Variants in ADGRB3 observed in about 807,000 individuals in gnomAD.
The protein encoded by ADGRB3 is adhesion G protein-coupled receptor B3, also known as brain-specific angiogenesis inhibitor 3.
Under a neutral mutation model 193.4 loss-of-function variants are expected in ADGRB3, and 37 were observed. That is an observed-to-expected ratio of 0.19 (90% CI 0.15 to 0.25). The LOEUF is 0.25. Among genes scored for constraint, ADGRB3 ranks in the 10% least tolerant of loss-of-function variants. The pLI, the probability that ADGRB3 is intolerant of heterozygous loss-of-function variation, is 1.00. For synonymous variants in ADGRB3, 690 were observed against 644.2 expected, an observed-to-expected ratio of 1.07 and a Z score of -1.08; for missense variants, 1,637 against 1,852.9, an observed-to-expected ratio of 0.88 and a Z score of 2.14.
intron 10 of ADGRB3, among the ~76,000 whole-genome samples, chr6:68,984,610 A>C (rs770471302): frequency 6.6e-6 from 1 of 152,144 alleles, no homozygotes; most frequent in Non-Finnish European, 1.5e-5. Flanking sequence ...TAAGGCCAAA[A>C]AAGGGTTTTG....
chr6:69,058,825 C>G (rs922373750), intron 15 of ADGRB3, among the ~76,000 whole-genome samples: 8 of 152,014 alleles, frequency 5.3e-5, no homozygotes, highest in Admixed American at 5.3e-4. Context: ...TAAGATTTCA[C>G]TCTTCTTCAA....
chr6:69,201,450 C>T (rs545066487), intron 17 of ADGRB3, among the ~76,000 whole-genome samples: 1 of 151,880 alleles, frequency 6.6e-6, no homozygotes, highest in East Asian at 1.9e-4. Flanking sequence ...TTATCTCTCC[C>T]TATTCTTATT....
chr6:69,337,109 T>A (rs147680119), intron 24 of ADGRB3, among the ~76,000 whole-genome samples: 3 of 152,134 alleles, frequency 2.0e-5, no homozygotes, highest in Admixed American at 6.6e-5. Flanking sequence ...TAAATCACAG[T>A]TTTCAGGTCT....
chr6:68,902,703 CATATA>C (rs1766431779), intron 3 of ADGRB3, among the ~76,000 whole-genome samples: 1 of 151,926 alleles, frequency 6.6e-6, no homozygotes, highest in Non-Finnish European at 1.5e-5. Context: ...CATGTAACCA[CATATA>C]ATCATGTGAT....
chr6:69,224,780 C>A (rs146341967), intron 17 of ADGRB3, among the ~76,000 whole-genome samples: 2 of 151,660 alleles, frequency 1.3e-5, no homozygotes, highest in East Asian at 3.9e-4. Context: ...AAATGTCTGC[C>A]GTTTTTTAAT....
chr6:69,025,008 C>T (rs1770385565), intron 13 of ADGRB3, among the ~76,000 whole-genome samples: 1 of 151,568 alleles, frequency 6.6e-6, no homozygotes, highest in South Asian at 2.1e-4. Flanking sequence ...AGGAGAATAG[C>T]GTGAACCCGG....
chr6:69,075,656 A>G (rs1218328652), intron 16 of ADGRB3, among the ~76,000 whole-genome samples: 1 of 152,150 alleles, frequency 6.6e-6, no homozygotes, highest in Non-Finnish European at 1.5e-5. Flanking sequence ...AAAGAAAGTA[A>G]TCTAGCAACT....
At chr6:68,704,639 G>A (rs1447299331) in intron 3 of ADGRB3, among the ~76,000 whole-genome samples, 2 of 152,070 alleles carry the variant, frequency 1.3e-5, no homozygotes, top group Non-Finnish European at 2.9e-5. Context: ...AAACAAACAA[G>A]AACTTTGAAA....
chr6:68,638,969 A>G lies in ADGRB3; in HGVS notation c.294A>G (p.Ile98Met). The change falls in exon 3 of 32, where the codon ATA becomes ATG. Residue 98 changes from isoleucine (I) to methionine (M), a missense_variant. By Grantham distance (10) the Ile-to-Met change is conservative. Around this residue, in one of 7 missense-constraint regions of ADGRB3, gnomAD observed 365 missense variants for 409.8 expected, o/e 0.89. Transcript: ENST00000370598. ...TTGATCATTTTTCCCATGAAAAAAT[A>G]AAGGATCTTTTAAGAAAGAATCATT... ...YQFDHFSHEK[I>M]KDLLRKNHSI... 1 of 1,614,066 alleles carries G rather than the reference A, an allele frequency of 6.2e-7. No homozygotes were observed. The highest frequency in any genetic ancestry group is 8.5e-7 in the Non-Finnish European group (1 of 1,179,994).
chr6:69,057,198 T>G (rs898508463), intron 15 of ADGRB3, among the ~76,000 whole-genome samples: 2 of 152,130 alleles, frequency 1.3e-5, no homozygotes, highest in Non-Finnish European at 2.9e-5. Flanking sequence ...GATTGTTCAT[T>G]GATAATGTAT....
At chr6:69,035,883 C>G (rs201506382) in intron 13 of ADGRB3, among the ~76,000 whole-genome samples, 30 of 152,060 alleles carry the variant, frequency 2.0e-4, no homozygotes, top group African/African-American at 7.2e-4. Context: ...TGAGTAAAGT[C>G]GATAGAGGTG....
intron 10 of ADGRB3, among the ~76,000 whole-genome samples, chr6:68,979,229 TAGA>T (rs1768837555): frequency 6.6e-6 from 1 of 151,370 alleles, no homozygotes; most frequent in African/African-American, 2.4e-5. Flanking sequence ...TTCTTATAAG[TAGA>T]AGGATACTAG....
chr6:69,232,174 T>G (rs779463), intron 17 of ADGRB3, among the ~76,000 whole-genome samples: 110,099 of 152,184 alleles, frequency 0.72, 42,131 homozygotes, highest in African/African-American at 0.93. Context: ...GCTAGCTGGA[T>G]AATTTCCATG....
chr6:69,193,487 C>T (rs193241927), intron 17 of ADGRB3, among the ~76,000 whole-genome samples: 1 of 152,120 alleles, frequency 6.6e-6, no homozygotes, highest in Admixed American at 6.6e-5. Context: ...TTACCTCAAT[C>T]TCATAGGAAA....
At chr6:68,999,713 G>A (rs13197569) in intron 11 of ADGRB3, among the ~76,000 whole-genome samples, 17,461 of 151,976 alleles carry the variant, frequency 0.11, 1,269 homozygotes, top group African/African-American at 0.21. Flanking sequence ...GTAAACATCC[G>A]TACTACAGAA....
At chr6:68,673,369 G>T (rs1416879314) in intron 3 of ADGRB3, among the ~76,000 whole-genome samples, 1 of 152,038 alleles carries the variant, frequency 6.6e-6, no homozygotes, top group African/African-American at 2.4e-5. Context: ...TTTAACAGGA[G>T]AAAAACTCAC....
chr6:69,321,420 G>A (rs947661047), intron 20 of ADGRB3, among the ~76,000 whole-genome samples: 1 of 151,794 alleles, frequency 6.6e-6, no homozygotes, highest in African/African-American at 2.4e-5. Flanking sequence ...TGAACTGTGA[G>A]GCTTAGCCAT....
rs1562136904 is a variant in ADGRB3 at position 69,048,206 on chromosome 6, C to A, written c.2129C>A (p.Pro710His). Residue 710 changes from proline to histidine, a missense_variant, in exon 14 of 32, where the codon CCT becomes CAT. By Grantham distance (77) the Pro-to-His change is moderately conservative (BLOSUM62 -2). Transcript: ENST00000370598. ...GNVVASIQKL[P>H]AASVLTDINF... ...ATAGTGGCTAGTATTCAGAAGCTTC[C>A]TGCAGCCTCTGTTCTAACAGACATC... 5 of 1,612,284 alleles carry A rather than the reference C, an allele frequency of 3.1e-6. No homozygotes were observed. Among genetic ancestry groups the A allele is most frequent in the Non-Finnish European group, 4.2e-6 (5 of 1,179,388 alleles).
chr6:68,893,626 G>A (rs1766140988), intron 3 of ADGRB3, among the ~76,000 whole-genome samples: 1 of 151,398 alleles, frequency 6.6e-6, no homozygotes, highest in Non-Finnish European at 1.5e-5. Flanking sequence ...AGAAAAAAAG[G>A]ACAATAGAAA....
Sources: allele counts gnomAD v4.1 joint callset (sites outside exome capture counted in the v4.1 genomes callset), GRCh38; gene constraint gnomAD v4.1.1; regional missense constraint gnomAD v4.1.1; transcripts MANE v1.5; gene names NCBI Gene and HGNC (gene_info 2026-07-23, HGNC 2026-07-21).